Variants in FBXO25 observed in about 807,000 individuals in gnomAD.
FBXO25 encodes F-box protein 25, also known as F-box only protein 25.
In FBXO25, 45 loss-of-function variants were observed where a neutral mutation model predicts 51.9. The observed-to-expected ratio is 0.87, with a 90% CI of 0.68 to 1.11. FBXO25 has a LOEUF of 1.11. Ranked by LOEUF, FBXO25 falls within the 50% of genes most tolerant of loss-of-function variation. The pLI is 0.00. For synonymous variants in FBXO25, 199 were observed against 151.0 expected (o/e 1.32, Z -2.33); for missense variants, 507 against 428.5 (o/e 1.18, Z -1.62).
At position 470,480 on chromosome 8, in the gene FBXO25, A is replaced by G. The variant is rs1800447672; in HGVS notation, c.*1676A>G. 8.2e-6 allele frequency: 1 copy of G among 121,876 alleles called. No individual in the cohort carries two copies. The highest frequency in any genetic ancestry group is 2.8e-5 in the African/African-American group (1 of 35,976). 7.5% of individuals were successfully genotyped at this position (121,876 alleles called of 1,614,324 possible). A position where few individuals can be genotyped will look rare whatever the true frequency, so the allele number is the denominator to read the frequency against. On this transcript the variant is annotated 3_prime_UTR_variant, in exon 10 of 10. Coordinates refer to ENST00000350302, the MANE Select transcript of FBXO25 (RefSeq NM_183420.2). ...AAGTGATCCTCCCACCTCACCCTCC[A>G]GTGATCCTCCCACCTCAGCCTCCCA... is the stretch of plus-strand genomic sequence containing the variant.
intron 2 of FBXO25, among the ~76,000 whole-genome samples, chr8:421,848 A>G (rs1797176665): frequency 6.6e-6 from 1 of 152,194 alleles, no homozygotes; most frequent in African/African-American, 2.4e-5. Context: ...TCCGTCAAAA[A>G]GTGCTGCATT....
Position 472,755 on chromosome 8 carries a change from T to G in FBXO25, c.*3951T>G, listed in dbSNP as rs1427263616. On this transcript the variant is annotated 3_prime_UTR_variant, in exon 10 of 10. Transcript: ENST00000350302. ...TGCCTTTTAATGGTTTTTCTTTTCA[T>G]TGCGAAGGCCTAACTTAGTAGATAA... The G allele has an allele frequency of 6.6e-6, 1 of 152,244 alleles. No individual in the cohort carries two copies. Among genetic ancestry groups the G allele is most frequent in the African/African-American group, 2.4e-5 (1 of 41,472 alleles). 9.4% of individuals were successfully genotyped at this position (152,244 alleles called of 1,614,324 possible).
chr8:412,399 C>G (rs908003819), intron 1 of FBXO25, among the ~76,000 whole-genome samples: 5 of 152,216 alleles, frequency 3.3e-5, no homozygotes, highest in Non-Finnish European at 7.3e-5. Flanking sequence ...TATTTTGCCA[C>G]TGTATACTCT....
chr8:453,304 A>G (rs3735925), intron 7 of FBXO25, among the ~76,000 whole-genome samples: 22,563 of 152,130 alleles, frequency 0.15, 1,955 homozygotes, highest in East Asian at 0.39. Context: ...TAGTGGTTGC[A>G]TGCTGCCTGG....
intron 8 of FBXO25, among the ~76,000 whole-genome samples, chr8:459,923 G>T (rs1369495836): frequency 6.6e-6 from 1 of 152,186 alleles, no homozygotes; most frequent in African/African-American, 2.4e-5. Context: ...GGTTATGGAT[G>T]CCTTGGGGAA....
chr8:444,120 A>C (rs566311319), intron 5 of FBXO25, among the ~76,000 whole-genome samples: 56 of 152,374 alleles, frequency 3.7e-4, no homozygotes, highest in African/African-American at 1.2e-3. Context: ...CAGGTACTTC[A>C]GATGGTGCCT....
At position 475,541 on chromosome 8, in the gene FBXO25, A is replaced by T. The variant is rs11776266; in HGVS notation, c.*6737A>T. 6.6e-6 allele frequency: 1 copy of T among 152,102 alleles called. No individual in the cohort carries two copies. The highest frequency in any genetic ancestry group is 2.4e-5 in the African/African-American group (1 of 41,416). The allele number at this position is 152,102 out of a possible 1,614,324, so 9.4% of individuals were successfully genotyped here. A position where few individuals can be genotyped will look rare whatever the true frequency, so the allele number is the denominator to read the frequency against. On this transcript the variant is annotated 3_prime_UTR_variant, in exon 10 of 10. Coordinates refer to ENST00000350302, the MANE Select transcript of FBXO25 (RefSeq NM_183420.2). ...GACTATGGACATCTTAAGGTATCCA[A>T]TCCATAAACACGGGATTGCTTTCTA...
At chr8:420,341 A>G (rs1797075037) in intron 2 of FBXO25, 1 of 152,220 alleles carries the variant, frequency 6.6e-6, no homozygotes, top group Non-Finnish European at 1.5e-5. Flanking sequence ...CAACCCTGCT[A>G]CTGGGAATGC....
chr8:420,615 A>G (rs539410687), intron 2 of FBXO25, among the ~76,000 whole-genome samples: 2 of 152,372 alleles, frequency 1.3e-5, no homozygotes, highest in Admixed American at 6.5e-5. Context: ...AAAGGAACAA[A>G]CTATTAATTC....
intron 5 of FBXO25, 75 bp from the exon 6 acceptor site, chr8:449,915 G>A (rs1798972740): frequency 1.0e-6 from 1 of 978,006 alleles, no homozygotes; most frequent in Non-Finnish European, 1.6e-6. Flanking sequence ...TCATGCATGT[G>A]TGTTATATCA....
intron 2 of FBXO25, among the ~76,000 whole-genome samples, chr8:418,385 G>C (rs1354708064): frequency 7.5e-6 from 1 of 133,736 alleles, no homozygotes; most frequent in South Asian, 2.4e-4. Flanking sequence ...TGTCACCCAG[G>C]CTGGAGTGCA....
rs1306130326 is a variant in FBXO25, at chr8:463,145, T to C, written c.982T>C (p.Trp328Arg). Residue 328 changes from tryptophan to arginine, a missense_variant, in exon 9 of 10, where the codon TGG (tryptophan) becomes CGG (arginine). Trp to Arg is a moderately radical substitution (Grantham distance 101). Coordinates refer to ENST00000350302, the MANE Select transcript of FBXO25 (RefSeq NM_183420.2). ...CTGTCGGCACTGCAGCATTCTCTTT[T>C]GGAAGGTACTGATTTAAATGCACTC... ...HFCRHCSILF[W>R]KDSGHPCTAA... The C allele has an allele frequency of 1.2e-6, 2 of 1,610,574 alleles. No individual in the cohort carries two copies. The highest frequency in any genetic ancestry group is 1.7e-5 in the Admixed American group (1 of 58,982).
At chr8:450,636 C>T (rs1799022777) in intron 6 of FBXO25, 1 of 152,142 alleles carries the variant, frequency 6.6e-6, no homozygotes, top group African/African-American at 2.4e-5. Flanking sequence ...AAATTGTAGA[C>T]CCAACTGAAA....
In FBXO25 at chr8:414,051, A is replaced by C. The variant is rs1585000425; in HGVS notation, c.134+838A>C. On this transcript the variant is annotated intron_variant, in intron 2 of 9. Coordinates refer to ENST00000350302, the MANE Select transcript of FBXO25 (RefSeq NM_183420.2). ...TTATTTTACATTTGTGTAATTATCA[A>C]CTGTGTGCTTGATGGGCCATATGTT... Among the ~76,000 whole-genome samples the C allele has an allele frequency of 5.9e-5, 9 of 152,190 alleles. No individual in the cohort carries two copies. The South Asian group carries it at 1.9e-3, about 31-fold the overall frequency.
At chr8:433,495 A>G (rs1797935245) in intron 4 of FBXO25, among the ~76,000 whole-genome samples, 1 of 152,166 alleles carries the variant, frequency 6.6e-6, no homozygotes, top group Non-Finnish European at 1.5e-5. Flanking sequence ...AGTGGCTAAC[A>G]TGAAATTAGT....
intron 8 of FBXO25, among the ~76,000 whole-genome samples, 176 bp downstream of exon 8, chr8:458,727 G>C (rs529199935): frequency 1.8e-4 from 27 of 152,114 alleles, no homozygotes; most frequent in Non-Finnish European, 2.8e-4. Flanking sequence ...TAGAATGTAA[G>C]GTTTATTTTT....
At chr8:409,775 T>C (rs1309401677) in intron 1 of FBXO25, among the ~76,000 whole-genome samples, 1 of 152,176 alleles carries the variant, frequency 6.6e-6, no homozygotes, top group Non-Finnish European at 1.5e-5. Context: ...TCATTTGATC[T>C]ATCCTACAAG....
chr8:457,021 T>TTG (rs977633144), intron 7 of FBXO25, among the ~76,000 whole-genome samples: 2 of 151,140 alleles, frequency 1.3e-5, no homozygotes, highest in African/African-American at 4.9e-5. Flanking sequence ...TCACTGTGCT[T>TTG]TGTGTGCAGT....
At chr8:436,346 A>T (rs1465965060) in intron 5 of FBXO25, among the ~76,000 whole-genome samples, 1 of 152,198 alleles carries the variant, frequency 6.6e-6, no homozygotes, top group Non-Finnish European at 1.5e-5. Context: ...TTATGAAGCT[A>T]TTAATTTTGT....
Sources: gnomAD v4.1 joint callset for allele counts (sites outside exome capture counted in the v4.1 genomes callset) on GRCh38, gnomAD v4.1.1 for gene constraint, MANE v1.5 for transcripts, NCBI Gene and HGNC (gene_info 2026-07-23, HGNC 2026-07-21) for gene names.